The following SENP7 variants were observed in gnomAD, a reference collection of about 807,000 sequenced individuals.
SENP7 encodes the protein SUMO specific peptidase 7, also known as sentrin-specific protease 7.
SENP7 carries 64 observed loss-of-function variants against 141.2 expected under a neutral mutation model. That is an observed-to-expected ratio of 0.45 (90% CI 0.37 to 0.56). The LOEUF (loss-of-function observed/expected upper bound fraction) is 0.56, where lower values mean the gene tolerates loss of function less well. Among genes scored for constraint, SENP7 ranks in the 20% least tolerant of loss-of-function variants. SENP7 has a pLI of 0.00. For missense variants in SENP7, 1,025 were observed against 1,212.2 expected (o/e 0.85, Z 2.29); for synonymous variants, 382 against 426.4 (o/e 0.90, Z 1.28).
At chr3:101,434,767 A>G (rs1234028676) in intron 4 of SENP7, among the ~76,000 whole-genome samples, 1 of 152,150 alleles carries the variant, frequency 6.6e-6, no homozygotes, top group African/African-American at 2.4e-5. Flanking sequence ...ATGAGATCAA[A>G]GCTGTAATTA....
chr3:101,507,666 CAA>C (rs11322706), intron 1 of SENP7, among the ~76,000 whole-genome samples: 7 of 150,360 alleles, frequency 4.7e-5, no homozygotes, highest in Non-Finnish European at 7.4e-5. Flanking sequence ...GGGGGGAAGA[CAA>C]AAAAAAAATC....
At chr3:101,340,653 G>T (rs1282544662) in intron 15 of SENP7, among the ~76,000 whole-genome samples, 1 of 152,154 alleles carries the variant, frequency 6.6e-6, no homozygotes, top group Non-Finnish European at 1.5e-5. Context: ...GTCAAAAATT[G>T]TGCTCTGCTC....
At chr3:101,326,352 C>A (rs1250725245) in intron 23 of SENP7, among the ~76,000 whole-genome samples, 1 of 151,958 alleles carries the variant, frequency 6.6e-6, no homozygotes, top group Non-Finnish European at 1.5e-5. Context: ...GGAGAAAAAA[C>A]CCAACATAAT....
intron 6 of SENP7, among the ~76,000 whole-genome samples, chr3:101,379,378 C>T (rs62280670): frequency 0.14 from 20,994 of 152,062 alleles, 1,474 homozygotes; most frequent in South Asian, 0.18. Flanking sequence ...AAACAGATTA[C>T]GTAGACTTCA....
intron 4 of SENP7, among the ~76,000 whole-genome samples, chr3:101,442,787 T>A (rs1430408856): frequency 1.3e-5 from 2 of 151,464 alleles, no homozygotes; most frequent in Non-Finnish European, 2.9e-5. Flanking sequence ...AACAATAGAC[T>A]AAGCAGAAGA....
chr3:101,508,573 T>TG (rs111546572), intron 1 of SENP7, among the ~76,000 whole-genome samples: 3,604 of 152,144 alleles, frequency 0.024, 146 homozygotes, highest in African/African-American at 0.082. Flanking sequence ...CACTCCAGCC[T>TG]GGGGGGCAGA....
intron 3 of SENP7, among the ~76,000 whole-genome samples, chr3:101,478,735 G>A (rs575250390): frequency 1.2e-4 from 18 of 152,058 alleles, no homozygotes; most frequent in Admixed American, 1.0e-3. Context: ...ACAAGGAAAT[G>A]CACACAAAAA....
intron 4 of SENP7, among the ~76,000 whole-genome samples, chr3:101,422,264 C>A (rs1286296639): frequency 6.6e-6 from 1 of 152,134 alleles, no homozygotes. Context: ...CACTCTCAAC[C>A]CCATCCGTGG....
chr3:101,345,610 T>C (rs896992043), intron 13 of SENP7, among the ~76,000 whole-genome samples: 1 of 152,180 alleles, frequency 6.6e-6, no homozygotes, highest in Non-Finnish European at 1.5e-5. Flanking sequence ...CAGTGACAGT[T>C]TGACTTCCCC....
intron 1 of SENP7, among the ~76,000 whole-genome samples, chr3:101,508,982 T>C (rs569184603): frequency 2.6e-5 from 4 of 152,298 alleles, no homozygotes; most frequent in African/African-American, 7.2e-5. Flanking sequence ...AAGCCAAAAC[T>C]GCAATATCTT....
At chr3:101,405,625 T>C (rs1206133200) in intron 5 of SENP7, among the ~76,000 whole-genome samples, 2 of 152,152 alleles carry the variant, frequency 1.3e-5, no homozygotes, top group Admixed American at 1.3e-4. Context: ...GTTATTAAGC[T>C]AATCAGGGAG....
intron 5 of SENP7, among the ~76,000 whole-genome samples, chr3:101,411,143 T>A (rs1200550652): frequency 6.6e-6 from 1 of 152,142 alleles, no homozygotes; most frequent in Non-Finnish European, 1.5e-5. Context: ...AAGAATAATA[T>A]CTCCCTTACA....
At chr3:101,431,205 C>T (rs936629254) in intron 4 of SENP7, among the ~76,000 whole-genome samples, 4 of 152,028 alleles carry the variant, frequency 2.6e-5, no homozygotes, top group African/African-American at 7.2e-5. Flanking sequence ...TCTGCTTGGT[C>T]CAGAGCTGAG....
intron 4 of SENP7, among the ~76,000 whole-genome samples, chr3:101,442,703 T>C (rs1214758346): frequency 6.6e-6 from 1 of 151,932 alleles, no homozygotes; most frequent in Non-Finnish European, 1.5e-5. Flanking sequence ...ATAGGTATCA[T>C]TAAAAAGAAC....
At chr3:101,331,923 C>T (rs939344405) in intron 19 of SENP7, 62 bp downstream of exon 19, 2 of 1,536,718 alleles carry the variant, frequency 1.3e-6, no homozygotes, top group East Asian at 2.3e-5. Flanking sequence ...TCATTTTCTT[C>T]CCTGTAACCA....
intron 6 of SENP7, among the ~76,000 whole-genome samples, chr3:101,388,451 T>C (rs1322814728): frequency 2.6e-5 from 4 of 152,180 alleles, no homozygotes; most frequent in Non-Finnish European, 5.9e-5. Flanking sequence ...ATCAAAGCCA[T>C]AGCATCTTAC....
At chr3:101,438,046 T>C (rs1482083002) in intron 4 of SENP7, among the ~76,000 whole-genome samples, 5 of 152,166 alleles carry the variant, frequency 3.3e-5, no homozygotes, top group Non-Finnish European at 7.3e-5. Context: ...ATACAGCAGT[T>C]GTTCAAGAAA....
rs1423086015 is a variant in SENP7, at chr3:101,513,199, G to A, written c.-69C>T. 1.5e-5 allele frequency: 12 copies of A among 811,968 alleles called. No individual in the cohort carries two copies. Among genetic ancestry groups the A allele is most frequent in the East Asian group, 8.5e-5 (3 of 35,450 alleles). The allele number at this position is 811,968 out of a possible 1,614,324, so 50.3% of individuals were successfully genotyped here. On this transcript the variant is annotated 5_prime_UTR_variant, in exon 1 of 24. Coordinates refer to ENST00000394095, the MANE Select transcript of SENP7 (RefSeq NM_020654.5). ...AGGACCCCTCCGGCTTGGAGAGGGA[G>A]GGGGAGGGGAAAGGAAAAAAAAAAA...
Position 101,469,599 on chromosome 3 carries a change from T to C in SENP7, c.187-10547A>G, listed in dbSNP as rs1179368242. On this transcript the variant is annotated intron_variant, in intron 3 of 23. Coordinates refer to ENST00000394095, the MANE Select transcript of SENP7 (RefSeq NM_020654.5). ...CAGCACTTTGGGAGGCCGAGGCGGGTGGATCATGAGGTCAGGAGATCGAGA... is the reference window on the plus strand; with the variant it reads ...CAGCACTTTGGGAGGCCGAGGCGGGCGGATCATGAGGTCAGGAGATCGAGA... 3.7e-5 allele frequency among the ~76,000 whole-genome samples: 4 copies of C among 108,766 alleles called. 2 individuals carry two copies. Among genetic ancestry groups the C allele is most frequent in the Non-Finnish European group, 7.8e-5 (4 of 51,158 alleles). The allele number at this position is 108,766 out of a possible 152,430, so 71.4% of individuals were successfully genotyped here. A position where few individuals can be genotyped will look rare whatever the true frequency, so the allele number is the denominator to read the frequency against.
Sources: allele counts gnomAD v4.1 joint callset (sites outside exome capture counted in the v4.1 genomes callset), GRCh38; gene constraint gnomAD v4.1.1; transcripts MANE v1.5; gene names NCBI Gene and HGNC (gene_info 2026-07-23, HGNC 2026-07-21).